LHFPL3: variants seen among roughly 807,000 people sequenced by gnomAD.
LHFPL3 encodes LHFPL tetraspan subfamily member 3, also known as LHFPL tetraspan subfamily member 3 protein.
Under a neutral mutation model 19.3 loss-of-function variants are expected in LHFPL3, and 5 were observed. That is an observed-to-expected ratio of 0.26 (90% CI 0.14 to 0.54). The LOEUF (loss-of-function observed/expected upper bound fraction) is 0.54, where lower values mean the gene tolerates loss of function less well. LHFPL3 is among the 20% of genes least tolerant of loss of function. The pLI is 0.94. For missense variants in LHFPL3, 249 were observed against 307.4 expected, an observed-to-expected ratio of 0.81 and a Z score of 1.42; for synonymous variants, 133 against 126.2, an observed-to-expected ratio of 1.05 and a Z score of -0.36.
chr7:104,406,510 T>C (rs1158640685), intron 1 of LHFPL3, among the ~76,000 whole-genome samples: 1 of 152,236 alleles, frequency 6.6e-6, no homozygotes, highest in Non-Finnish European at 1.5e-5. Context: ...ACTATACCCA[T>C]TTTATTGAGA....
At chr7:104,470,189 C>T in intron 1 of LHFPL3, 1 of 398,800 alleles carries the variant, frequency 2.5e-6, no homozygotes, top group Non-Finnish European at 5.1e-6. Context: ...CACATATTTT[C>T]AAAAGCAAGA....
chr7:104,811,331 A>T (rs934762508), intron 2 of LHFPL3, among the ~76,000 whole-genome samples: 2 of 152,080 alleles, frequency 1.3e-5, no homozygotes, highest in Non-Finnish European at 2.9e-5. Flanking sequence ...AGTAGCTGGA[A>T]CTACAGGTCC....
chr7:104,840,210 C>T (rs34508498), intron 2 of LHFPL3, among the ~76,000 whole-genome samples: 13,440 of 151,526 alleles, frequency 0.089, 1,293 homozygotes, highest in East Asian at 0.43. Flanking sequence ...CACTAAATTA[C>T]AATACTATCT....
At chr7:104,847,066 G>A (rs1478501147) in intron 2 of LHFPL3, among the ~76,000 whole-genome samples, 1 of 150,192 alleles carries the variant, frequency 6.7e-6, no homozygotes, top group African/African-American at 2.5e-5. Context: ...AGAAAGTGCA[G>A]ATGAGGAGCA....
chr7:104,436,130 G>A (rs1792099953), intron 1 of LHFPL3, among the ~76,000 whole-genome samples: 1 of 152,054 alleles, frequency 6.6e-6, no homozygotes, highest in African/African-American at 2.4e-5. Flanking sequence ...ATATGAATGT[G>A]TCACATGTTG....
At chr7:104,556,748 C>CTA (rs1789843717) in intron 1 of LHFPL3, among the ~76,000 whole-genome samples, 1 of 152,230 alleles carries the variant, frequency 6.6e-6, no homozygotes, top group Non-Finnish European at 1.5e-5. Flanking sequence ...TTTTCTTTAA[C>CTA]ATCACATTGT....
At chr7:104,662,277 G>A (rs1792237988) in intron 1 of LHFPL3, among the ~76,000 whole-genome samples, 1 of 152,130 alleles carries the variant, frequency 6.6e-6, no homozygotes, top group Admixed American at 6.5e-5. Flanking sequence ...CAGTTCTGGT[G>A]GTATGGCTGA....
chr7:104,886,595 C>T (rs1285594067), intron 2 of LHFPL3, among the ~76,000 whole-genome samples: 1 of 152,178 alleles, frequency 6.6e-6, no homozygotes, highest in Non-Finnish European at 1.5e-5. Context: ...GAACTCCTGA[C>T]CTCAGGTGAT....
intron 1 of LHFPL3, among the ~76,000 whole-genome samples, chr7:104,577,996 G>T (rs1562940065): frequency 1.3e-5 from 2 of 152,128 alleles, no homozygotes; most frequent in African/African-American, 4.8e-5. Context: ...AATTCTGTCG[G>T]TTTATCATCT....
intron 1 of LHFPL3, among the ~76,000 whole-genome samples, chr7:104,339,969 T>C (rs1160762758): frequency 2.6e-5 from 4 of 152,164 alleles, no homozygotes; most frequent in African/African-American, 9.7e-5. Flanking sequence ...GTGGTGAAGA[T>C]GGACAGAGTT....
chr7:104,650,161 C>G (rs1305593699), intron 1 of LHFPL3, among the ~76,000 whole-genome samples: 1 of 152,138 alleles, frequency 6.6e-6, no homozygotes. Context: ...AGAAAGGGAG[C>G]CTAAGATGCC....
At chr7:104,818,010 C>T (rs932493319) in intron 2 of LHFPL3, among the ~76,000 whole-genome samples, 4 of 152,120 alleles carry the variant, frequency 2.6e-5, no homozygotes, top group African/African-American at 9.7e-5. Flanking sequence ...TAGTGTCTAC[C>T]GTATTGGACA....
intron 1 of LHFPL3, among the ~76,000 whole-genome samples, chr7:104,569,542 CAT>C (rs1284013125): frequency 6.6e-6 from 1 of 152,066 alleles, no homozygotes; most frequent in African/African-American, 2.4e-5. Flanking sequence ...TTATGGGACA[CAT>C]ATAGATAGTA....
At chr7:104,559,336 T>C (rs534235519) in intron 1 of LHFPL3, among the ~76,000 whole-genome samples, 22 of 150,274 alleles carry the variant, frequency 1.5e-4, no homozygotes, top group African/African-American at 4.7e-4. Context: ...TCCATTTGTT[T>C]GTATCCTCTT....
chr7:104,338,093 C>CTTTTTTTTTTTTTT (rs71296520), intron 1 of LHFPL3, among the ~76,000 whole-genome samples: 10 of 85,846 alleles, frequency 1.2e-4, no homozygotes, highest in Admixed American at 1.7e-4. Context: ...TTTCCTTTTT[C>CTTTTTTTTTTTTTT]TTTTTTTTTT....
chr7:104,785,535 T>G (rs1360798854), intron 2 of LHFPL3, among the ~76,000 whole-genome samples: 1 of 152,168 alleles, frequency 6.6e-6, no homozygotes, highest in Non-Finnish European at 1.5e-5. Flanking sequence ...TGTCCAAAAT[T>G]TAATTTACTT....
Position 104,549,419 on chromosome 7 carries a change from A to G in LHFPL3, c.446-187256A>G, listed in dbSNP as rs115293492. On this transcript the variant is annotated intron_variant, in intron 1 of 2. Coordinates refer to ENST00000424859, the MANE Select transcript of LHFPL3 (RefSeq NM_199000.3). ...CAGTAGCCTATTATTTTTTTGAGCT[A>G]TGCTCCTTTTGGCACATGCCCTTAA... Among the ~76,000 whole-genome samples the G allele has an allele frequency of 6.0e-5, 9 of 149,034 alleles. No individual in the cohort carries two copies. In the East Asian group the frequency reaches 1.6e-3, roughly 27 times the overall value.
At chr7:104,646,580 G>T (rs1791939878) in intron 1 of LHFPL3, among the ~76,000 whole-genome samples, 1 of 152,152 alleles carries the variant, frequency 6.6e-6, no homozygotes, top group African/African-American at 2.4e-5. Context: ...TGTTTTAACT[G>T]GGAAGATTCT....
intron 1 of LHFPL3, among the ~76,000 whole-genome samples, chr7:104,404,128 C>A (rs928079660): frequency 2.6e-5 from 4 of 152,188 alleles, no homozygotes; most frequent in African/African-American, 9.7e-5. Flanking sequence ...AACTTGCTAA[C>A]CCCTGCTCTA....
Sources: gnomAD v4.1 joint callset for allele counts (sites outside exome capture counted in the v4.1 genomes callset) on GRCh38, gnomAD v4.1.1 for gene constraint, MANE v1.5 for transcripts, NCBI Gene and HGNC (gene_info 2026-07-23, HGNC 2026-07-21) for gene names.